RAD51B: variants seen among roughly 807,000 people sequenced by gnomAD.
RAD51B encodes RAD51 paralog B, also known as DNA repair protein RAD51 homolog 2.
RAD51B carries 38 observed loss-of-function variants against 42.2 expected under a neutral mutation model. The observed-to-expected ratio is 0.90, with a 90% CI of 0.70 to 1.18. RAD51B has a LOEUF of 1.18. Ranked by LOEUF, RAD51B falls within the 50% of genes most tolerant of loss-of-function variation. The probability of loss-of-function intolerance (pLI) is 0.00; values close to 1 mark genes in which losing one functional copy is unlikely to be tolerated. For synonymous variants in RAD51B, 154 were observed against 145.2 expected, an observed-to-expected ratio of 1.06 and a Z score of -0.43; for missense variants, 373 against 400.7, an observed-to-expected ratio of 0.93 and a Z score of 0.59.
intron 4 of RAD51B, among the ~76,000 whole-genome samples, chr14:67,841,163 T>A (rs1363845365): frequency 6.6e-6 from 1 of 152,226 alleles, no homozygotes; most frequent in Non-Finnish European, 1.5e-5. Flanking sequence ...GTGGTTTTGA[T>A]TTGCATTTCT....
chr14:67,863,699 A>C (rs1305293580), intron 4 of RAD51B, among the ~76,000 whole-genome samples: 3 of 152,026 alleles, frequency 2.0e-5, no homozygotes, highest in Non-Finnish European at 4.4e-5. Flanking sequence ...GAAATAGTGC[A>C]TTGGTTCTAA....
Position 68,535,566 on chromosome 14 carries a change from T to C in RAD51B, c.1037-58919T>C, listed in dbSNP as rs17105795. Among the ~76,000 whole-genome samples the C allele has an allele frequency of 7.6e-3, 1,162 of 152,200 alleles. 11 individuals are homozygous for C. The highest frequency in any genetic ancestry group is 0.027 in the African/African-American group (1,126 of 41,492). ...GACACGTCGAGCTTACAGCAGGCCT[T>C]AGGATCACCAGGCTGACTCACTGTC... On this transcript the variant is annotated intron_variant, in intron 10 of 10. Coordinates refer to the RAD51B transcript ENST00000487270.
chr14:68,223,719 T>C (rs1321816058), intron 7 of RAD51B, among the ~76,000 whole-genome samples: 1 of 152,196 alleles, frequency 6.6e-6, no homozygotes, highest in Non-Finnish European at 1.5e-5. Context: ...TCCTACCTTA[T>C]GAAATCATCT....
chr14:67,963,886 CAT>C (rs2074717130), intron 7 of RAD51B, among the ~76,000 whole-genome samples: 1 of 151,342 alleles, frequency 6.6e-6, no homozygotes, highest in Admixed American at 6.6e-5. Context: ...CGGTAACAGA[CAT>C]AATCTTATGA....
chr14:68,267,798 A>G (rs1766230332), intron 7 of RAD51B, among the ~76,000 whole-genome samples: 1 of 152,254 alleles, frequency 6.6e-6, no homozygotes, highest in Non-Finnish European at 1.5e-5. Flanking sequence ...TATGAATATC[A>G]TATAAAAATG....
intron 7 of RAD51B, among the ~76,000 whole-genome samples, chr14:67,924,479 G>A (rs2140141891): frequency 6.6e-6 from 1 of 152,318 alleles, no homozygotes; most frequent in East Asian, 1.9e-4. Context: ...AAATAAAGAG[G>A]TTTAATTGGA....
At chr14:68,065,307 C>A (rs924673334) in intron 7 of RAD51B, among the ~76,000 whole-genome samples, 5 of 152,160 alleles carry the variant, frequency 3.3e-5, no homozygotes, top group African/African-American at 1.2e-4. Context: ...CTCAGGGTCT[C>A]CTCCCTTGAG....
chr14:67,854,811 A>G (rs2041934386), intron 4 of RAD51B, among the ~76,000 whole-genome samples: 1 of 151,838 alleles, frequency 6.6e-6, no homozygotes, highest in Non-Finnish European at 1.5e-5. Context: ...AAAAGTAAAA[A>G]AAAAAAAAAT....
At chr14:67,912,775 G>A (rs564245029) in intron 7 of RAD51B, among the ~76,000 whole-genome samples, 2 of 150,716 alleles carry the variant, frequency 1.3e-5, no homozygotes, top group East Asian at 2.0e-4. Context: ...GCGCGATCTC[G>A]GCTCACTGCA....
At chr14:67,865,813 C>T (rs993193532) in intron 5 of RAD51B, among the ~76,000 whole-genome samples, 6 of 151,580 alleles carry the variant, frequency 4.0e-5, no homozygotes, top group Admixed American at 2.6e-4. Flanking sequence ...GCCGGGATTA[C>T]AGGTGTGAGC....
chr14:68,343,412 A>G (rs117260953), intron 8 of RAD51B, among the ~76,000 whole-genome samples: 5 of 152,172 alleles, frequency 3.3e-5, no homozygotes, highest in African/African-American at 1.2e-4. Flanking sequence ...CTAAAATATC[A>G]TTGCCCAGAA....
At chr14:68,593,610 T>A (rs1279042116) in intron 10 of RAD51B, among the ~76,000 whole-genome samples, 1 of 152,142 alleles carries the variant, frequency 6.6e-6, no homozygotes, top group African/African-American at 2.4e-5. Flanking sequence ...CTTCTTAGTC[T>A]CCAGAGGCCA....
intron 7 of RAD51B, among the ~76,000 whole-genome samples, chr14:67,934,955 C>T (rs974751580): frequency 6.6e-6 from 1 of 152,220 alleles, no homozygotes; most frequent in African/African-American, 2.4e-5. Context: ...CAGCACCATA[C>T]TCTCCTCTGC....
At chr14:68,458,096 C>T (rs1222747417) in intron 9 of RAD51B, among the ~76,000 whole-genome samples, 1 of 151,818 alleles carries the variant, frequency 6.6e-6, no homozygotes, top group Non-Finnish European at 1.5e-5. Flanking sequence ...ACAACCAGAA[C>T]AAAAAATAAG....
intron 7 of RAD51B, among the ~76,000 whole-genome samples, chr14:68,089,547 T>C (rs2140513053): frequency 6.6e-6 from 1 of 152,220 alleles, no homozygotes; most frequent in African/African-American, 2.4e-5. Flanking sequence ...TACCCTACTA[T>C]AAAAATAAAA....
At chr14:68,462,141 T>C (rs1393949017) in intron 9 of RAD51B, among the ~76,000 whole-genome samples, 2 of 152,172 alleles carry the variant, frequency 1.3e-5, no homozygotes, top group Non-Finnish European at 2.9e-5. Flanking sequence ...TAGCAGTATT[T>C]TAATAAGTGC....
chr14:68,149,626 G>A (rs2078331991), intron 7 of RAD51B: 1 of 152,162 alleles, frequency 6.6e-6, no homozygotes, highest in South Asian at 2.1e-4. Context: ...TAAGAGATGA[G>A]GTCCCACTAT....
chr14:67,919,617 A>G (rs2044259390), intron 7 of RAD51B, among the ~76,000 whole-genome samples: 1 of 152,194 alleles, frequency 6.6e-6, no homozygotes, highest in Admixed American at 6.5e-5. Context: ...GATATACTAT[A>G]TAAACCAGAC....
chr14:68,257,485 C>T (rs1237191116), intron 7 of RAD51B, among the ~76,000 whole-genome samples: 2 of 151,962 alleles, frequency 1.3e-5, no homozygotes, highest in African/African-American at 4.8e-5. Flanking sequence ...TAAACTGTGA[C>T]ATGTGTAGTA....
Sources: allele counts gnomAD v4.1 joint callset (sites outside exome capture counted in the v4.1 genomes callset), GRCh38; gene constraint gnomAD v4.1.1; transcripts MANE v1.5; gene names NCBI Gene and HGNC (gene_info 2026-07-23, HGNC 2026-07-21).